PCOLCE2: variants seen among roughly 807,000 people sequenced by gnomAD.
The protein encoded by PCOLCE2 is procollagen C-endopeptidase enhancer 2, also known as procollagen C-proteinase enhancer 2.
PCOLCE2 carries 42 observed loss-of-function variants against 47.0 expected under a neutral mutation model. That is an observed-to-expected ratio of 0.89 (90% CI 0.70 to 1.16). The LOEUF is 1.16. PCOLCE2 is among the 50% of genes most tolerant of loss of function. The pLI is 0.00. For synonymous variants in PCOLCE2, 169 were observed against 191.7 expected (o/e 0.88, Z 0.98); for missense variants, 500 against 526.1 (o/e 0.95, Z 0.49).
intron 5 of PCOLCE2, among the ~76,000 whole-genome samples, chr3:142,835,025 G>GA (rs923940724): frequency 2.2e-4 from 34 of 151,372 alleles, no homozygotes; most frequent in African/African-American, 8.0e-4. Flanking sequence ...ATTTTTGCTT[G>GA]AAAAAAATAG....
intron 2 of PCOLCE2, among the ~76,000 whole-genome samples, chr3:142,882,160 G>A (rs1484813246): frequency 2.0e-5 from 3 of 150,998 alleles, no homozygotes; most frequent in Non-Finnish European, 4.4e-5. Flanking sequence ...CACCCAAGTA[G>A]CGAGGACTAC....
intron 6 of PCOLCE2, chr3:142,827,407 G>A: frequency 6.4e-7 from 1 of 1,567,896 alleles, no homozygotes; most frequent in African/African-American, 1.4e-5. Flanking sequence ...CAACCTTCTT[G>A]GAGCCAGAGG....
intron 2 of PCOLCE2, among the ~76,000 whole-genome samples, chr3:142,858,727 G>GTGTGTGTA (rs1933120082): frequency 9.6e-6 from 1 of 103,994 alleles, no homozygotes; most frequent in South Asian, 2.5e-4. Context: ...GATTTTGTGT[G>GTGTGTGTA]TGTGTGTATG....
chr3:142,885,071 GC>G (rs567376940), intron 2 of PCOLCE2, among the ~76,000 whole-genome samples: 59 of 152,346 alleles, frequency 3.9e-4, no homozygotes, highest in African/African-American at 1.3e-3. Flanking sequence ...TTTCCAATCT[GC>G]AGGCTGTACT....
In PCOLCE2 at chr3:142,866,403, C is replaced by T. The variant is rs754738108; in HGVS notation, c.193-17931G>A. 3.0e-4 allele frequency among the ~76,000 whole-genome samples: 45 copies of T among 152,320 alleles called. 1 individual carries two copies. Among genetic ancestry groups the T allele is most frequent in the Non-Finnish European group, 5.4e-4 (37 of 68,030 alleles). ...AGGTCTCTGAACTTGGACTGATTTA[C>T]ACCACCAGTTTTCCTGGTTCACCAG... On this transcript the variant is annotated intron_variant, in intron 2 of 8. Coordinates refer to ENST00000295992, the MANE Select transcript of PCOLCE2 (RefSeq NM_013363.4).
intron 6 of PCOLCE2, among the ~76,000 whole-genome samples, chr3:142,824,829 T>C (rs1256083323): frequency 6.6e-6 from 1 of 152,064 alleles, no homozygotes; most frequent in African/African-American, 2.4e-5. Context: ...CATTTCGCCA[T>C]GTTGGCCAGG....
intron 5 of PCOLCE2, among the ~76,000 whole-genome samples, chr3:142,832,144 A>G (rs1401545267): frequency 2.0e-5 from 3 of 152,036 alleles, no homozygotes; most frequent in Non-Finnish European, 4.4e-5. Flanking sequence ...AGCCAACCAA[A>G]CACCATGTCC....
chr3:142,859,792 C>T (rs1305787134), intron 2 of PCOLCE2, among the ~76,000 whole-genome samples: 2 of 152,206 alleles, frequency 1.3e-5, no homozygotes, highest in Non-Finnish European at 2.9e-5. Flanking sequence ...CTCTGATCCA[C>T]CTGTCTTGGC....
At chr3:142,848,187 G>C (rs1265384341) in intron 3 of PCOLCE2, 30 bp downstream of exon 3, 1 of 1,605,094 alleles carries the variant, frequency 6.2e-7, no homozygotes, top group Admixed American at 1.7e-5. Context: ...CAACATTACT[G>C]TTGTTATTGC....
At chr3:142,882,277 C>A (rs1417309742) in intron 2 of PCOLCE2, among the ~76,000 whole-genome samples, 1 of 152,084 alleles carries the variant, frequency 6.6e-6, no homozygotes, top group African/African-American at 2.4e-5. Context: ...GAACACCTTG[C>A]TGCAAGCGAT....
At chr3:142,827,183 G>A (rs931460450) in intron 6 of PCOLCE2, 10 of 1,348,510 alleles carry the variant, frequency 7.4e-6, no homozygotes, top group African/African-American at 1.4e-5. Flanking sequence ...AGCCAGCAGG[G>A]TCATCTCTGA....
At chr3:142,839,038 T>A (rs1937235856) in intron 4 of PCOLCE2, 132 bp from the exon 5 acceptor site, 2 of 610,170 alleles carry the variant, frequency 3.3e-6, no homozygotes, top group Admixed American at 3.2e-5. Flanking sequence ...CATTAAGTGC[T>A]TTTTGTTGCA....
chr3:142,870,216 G>A (rs1367022005), intron 2 of PCOLCE2, among the ~76,000 whole-genome samples: 1 of 152,164 alleles, frequency 6.6e-6, no homozygotes, highest in Non-Finnish European at 1.5e-5. Flanking sequence ...GTTCTGGATA[G>A]TCAAATCAAA....
At chr3:142,830,421 T>C (rs1359322623) in intron 5 of PCOLCE2, among the ~76,000 whole-genome samples, 1 of 152,254 alleles carries the variant, frequency 6.6e-6, no homozygotes, top group Non-Finnish European at 1.5e-5. Flanking sequence ...GATTATCTTT[T>C]CTATCCACTC....
At chr3:142,830,447 A>T (rs889642207) in intron 5 of PCOLCE2, among the ~76,000 whole-genome samples, 3 of 152,240 alleles carry the variant, frequency 2.0e-5, no homozygotes, top group African/African-American at 7.2e-5. Flanking sequence ...TAAGAAAGCC[A>T]TGCAAAGGAC....
At chr3:142,829,469 T>G (rs1937121615) in intron 6 of PCOLCE2, among the ~76,000 whole-genome samples, 1 of 152,174 alleles carries the variant, frequency 6.6e-6, no homozygotes, top group African/African-American at 2.4e-5. Context: ...CATTGTTCAA[T>G]GGTCATAATT....
intron 2 of PCOLCE2, among the ~76,000 whole-genome samples, chr3:142,855,402 C>T (rs1399342753): frequency 6.6e-6 from 1 of 152,102 alleles, no homozygotes; most frequent in Admixed American, 6.5e-5. Context: ...AAAATGTAAA[C>T]TCACAAGTAC....
Position 142,842,824 on chromosome 3 carries a change from C to T in PCOLCE2, c.573+100G>A, listed in dbSNP as rs955640780. ...TCCTCTTCTTGTATCCCTTAGCTCT[C>T]GAATAGCCCCCACAACAGGAGGCTC... On this transcript the variant is annotated intron_variant, in intron 4 of 8. Transcript: ENST00000295992. The surrounding 1 kb of genome is among the most constrained non-coding windows in gnomAD (Gnocchi z 4.1). 9.6e-6 allele frequency: 11 copies of T among 1,151,830 alleles called. No individual in the cohort carries two copies. Among genetic ancestry groups the T allele is most frequent in the East Asian group, 2.4e-5 (1 of 42,354 alleles). 71.4% of individuals were successfully genotyped at this position (1,151,830 alleles called of 1,614,324 possible).
At chr3:142,861,226 T>C (rs1933176733) in intron 2 of PCOLCE2, among the ~76,000 whole-genome samples, 1 of 152,216 alleles carries the variant, frequency 6.6e-6, no homozygotes, top group African/African-American at 2.4e-5. Context: ...TATGTGACTG[T>C]CCTCCTCTGC....
Sources: allele counts gnomAD v4.1 joint callset (sites outside exome capture counted in the v4.1 genomes callset), GRCh38; gene constraint gnomAD v4.1.1; non-coding constraint Gnocchi (gnomAD v3.1); transcripts MANE v1.5; gene names NCBI Gene and HGNC (gene_info 2026-07-23, HGNC 2026-07-21).